Variants in KIF21A observed in about 807,000 individuals in gnomAD.
KIF21A encodes the protein kinesin-like protein KIF21A.
A neutral mutation model predicts 202.9 loss-of-function variants in KIF21A; 114 were observed. The observed-to-expected ratio is 0.56, with a 90% CI of 0.48 to 0.66. KIF21A has a LOEUF of 0.66. Among genes scored for constraint, KIF21A ranks in the 30% least tolerant of loss-of-function variants. The pLI is 0.00. For missense variants in KIF21A, 1,677 were observed against 1,994.9 expected (o/e 0.84, Z 3.04); for synonymous variants, 667 against 670.8 (o/e 0.99, Z 0.09).
chr12:39,322,866 G>A lies in KIF21A; in HGVS notation c.3473C>T (p.Thr1158Ile). 1 of 1,557,194 alleles carries A rather than the reference G, an allele frequency of 6.4e-7. No individual in the cohort carries two copies. The highest frequency in any genetic ancestry group is 8.7e-7 in the Non-Finnish European group (1 of 1,155,076). The change falls in exon 27 of 38, where the codon ACC becomes ATC. Residue 1158 changes from threonine to isoleucine, a missense_variant. This residue lies in a region of KIF21A where 705 missense variants were observed against 791.9 expected (regional missense o/e 0.89). Transcript: ENST00000361418. ...TGCATACAGCAATTCCATCTGAGTGGTGGTTCTCCTTCGGGCCTAGTCAAA... is the reference window on the plus strand; with the variant it reads ...TGCATACAGCAATTCCATCTGAGTGATGGTTCTCCTTCGGGCCTAGTCAAA... ...KPKNKARRRT[T>I]TQMELLYADS...
At chr12:39,332,105 G>T in intron 21 of KIF21A, 109 bp downstream of exon 21, 1 of 1,018,278 alleles carries the variant, frequency 9.8e-7, no homozygotes, top group South Asian at 1.3e-5. Flanking sequence ...CATTAGATTA[G>T]ACCAGGAAAT....
chr12:39,415,773 C>G (rs1436916307), intron 1 of KIF21A, among the ~76,000 whole-genome samples: 1 of 152,162 alleles, frequency 6.6e-6, no homozygotes, highest in Admixed American at 6.5e-5. Flanking sequence ...TTGCCTCTCC[C>G]CACCTACTCT....
At chr12:39,337,050 T>C in intron 17 of KIF21A, 46 bp downstream of exon 17, 1 of 1,314,098 alleles carries the variant, frequency 7.6e-7, no homozygotes, top group Non-Finnish European at 1.1e-6. Flanking sequence ...ACAATCTTTT[T>C]CAACGTACAA....
intron 1 of KIF21A, among the ~76,000 whole-genome samples, chr12:39,436,455 T>A (rs1592748304): frequency 6.0e-5 from 8 of 134,016 alleles, no homozygotes; most frequent in East Asian, 5.0e-4. Flanking sequence ...TATATTTTTT[T>A]TTTTTTTAGA....
At chr12:39,350,665 C>T (rs1309604167) in intron 11 of KIF21A, among the ~76,000 whole-genome samples, 1 of 151,978 alleles carries the variant, frequency 6.6e-6, no homozygotes, top group Non-Finnish European at 1.5e-5. Context: ...AATCAATGAT[C>T]CATGAAAACA....
At chr12:39,392,539 T>C (rs1303472954) in intron 1 of KIF21A, among the ~76,000 whole-genome samples, 1 of 152,128 alleles carries the variant, frequency 6.6e-6, no homozygotes, top group East Asian at 1.9e-4. Context: ...CTTTGTGGCA[T>C]ACCCAGCTCT....
chr12:39,351,192 G>A (rs947957124), intron 11 of KIF21A, among the ~76,000 whole-genome samples: 2 of 152,076 alleles, frequency 1.3e-5, no homozygotes, highest in Non-Finnish European at 2.9e-5. Flanking sequence ...ATGCAAAGAA[G>A]AGAAAGCCCA....
intron 1 of KIF21A, among the ~76,000 whole-genome samples, chr12:39,395,217 C>A (rs920551756): frequency 1.3e-5 from 2 of 152,128 alleles, no homozygotes; most frequent in African/African-American, 4.8e-5. Context: ...AGTAAAAATT[C>A]TAATTTTCCT....
intron 17 of KIF21A, 125 bp from the exon 18 acceptor site, chr12:39,333,405 C>A: frequency 1.4e-6 from 1 of 728,052 alleles, no homozygotes; most frequent in South Asian, 1.5e-5. Context: ...TTTGAGTCAA[C>A]AACCTTGTAT....
chr12:39,300,186 T>C (rs1942835438), intron 37 of KIF21A, among the ~76,000 whole-genome samples: 1 of 152,164 alleles, frequency 6.6e-6, no homozygotes, highest in South Asian at 2.1e-4. Context: ...TTACATTACA[T>C]GTCAATCCCC....
At chr12:39,326,666 A>C (rs1158741951) in intron 24 of KIF21A, among the ~76,000 whole-genome samples, 1 of 152,254 alleles carries the variant, frequency 6.6e-6, no homozygotes, top group Admixed American at 6.5e-5. Flanking sequence ...TCCACTGTTT[A>C]AAAATATAAA....
chr12:39,363,159 GTGTGGCCC>G lies in KIF21A; in HGVS notation c.950_957del (p.Arg317ThrfsTer5). 6.2e-7 allele frequency: 1 copy of G among 1,613,406 alleles called. No individual in the cohort carries two copies. The highest frequency in any genetic ancestry group is 8.5e-7 in the Non-Finnish European group (1 of 1,179,532). On this transcript the variant is annotated frameshift_variant, in exon 7 of 38. Transcript: ENST00000361418. LOFTEE classifies it high-confidence loss of function. Reference sequence around the variant, plus strand: ...AGCTTGGAATCTCTATAGGGGACATGTGTGGCCCTCTTGCTCTTGTCTCCCAAGGCACT... The same window carrying G: ...AGCTTGGAATCTCTATAGGGGACATGTCTTGCTCTTGTCTCCCAAGGCACT...
At chr12:39,331,047 T>C in intron 22 of KIF21A, 136 bp from the exon 23 acceptor site, 1 of 820,546 alleles carries the variant, frequency 1.2e-6, no homozygotes, top group Non-Finnish European at 2.0e-6. Flanking sequence ...GCTCCTCCAG[T>C]AACTGGCTTA....
intron 29 of KIF21A, among the ~76,000 whole-genome samples, chr12:39,316,925 A>T (rs1226542446): frequency 1.3e-5 from 2 of 152,244 alleles, no homozygotes; most frequent in African/African-American, 4.8e-5. Flanking sequence ...AAAGATTGAC[A>T]GAAAATATTC....
At chr12:39,357,195 G>T in intron 9 of KIF21A, 53 bp downstream of exon 9, 1 of 1,467,486 alleles carries the variant, frequency 6.8e-7, no homozygotes, top group African/African-American at 1.4e-5. Context: ...CACAAAGAAT[G>T]TTCCCTGCCC....
chr12:39,311,677 C>A (rs1649642554), intron 31 of KIF21A, 124 bp from the exon 32 acceptor site: 1 of 897,382 alleles, frequency 1.1e-6, no homozygotes, highest in African/African-American at 1.7e-5. Context: ...GTAATAAAAT[C>A]CAGACTGCTC....
At chr12:39,373,679 A>G (rs937749112) in intron 1 of KIF21A, among the ~76,000 whole-genome samples, 2 of 152,180 alleles carry the variant, frequency 1.3e-5, no homozygotes, top group African/African-American at 4.8e-5. Flanking sequence ...GGCTATTAAG[A>G]TACTTTAAAT....
chr12:39,339,235 CAAA>C (rs35065621), intron 16 of KIF21A, among the ~76,000 whole-genome samples: 7 of 130,530 alleles, frequency 5.4e-5, no homozygotes, highest in Middle Eastern at 4.1e-3. Flanking sequence ...GACTCCCTCT[CAAA>C]AAAAAAAAAA....
Position 39,320,030 on chromosome 12 carries a change from T to C in KIF21A, c.3672-17A>G. 7.1e-7 allele frequency: 1 copy of C among 1,414,020 alleles called. No homozygotes were observed. Among genetic ancestry groups the C allele is most frequent in the Non-Finnish European group, 1.0e-6 (1 of 1,004,634 alleles). The allele number at this position is 1,414,020 out of a possible 1,614,324, so 87.6% of individuals were successfully genotyped here. On this transcript the variant is annotated splice_polypyrimidine_tract_variant and intron_variant, in intron 27 of 37. Coordinates refer to ENST00000361418, the MANE Select transcript of KIF21A (RefSeq NM_001173464.2). ...TGCCTGGAACTAAAGTAAAAGAAGA[T>C]TCTTTAATTACCTAATTCTAAATTT...
Sources: allele counts gnomAD v4.1 joint callset (sites outside exome capture counted in the v4.1 genomes callset), GRCh38; gene constraint gnomAD v4.1.1; regional missense constraint gnomAD v4.1.1; transcripts MANE v1.5; gene names NCBI Gene and HGNC (gene_info 2026-07-23, HGNC 2026-07-21).